Variants in KIF9 observed in about 807,000 individuals in gnomAD.
The protein encoded by KIF9 is kinesin family member 9.
Under a neutral mutation model 94.8 loss-of-function variants are expected in KIF9, and 68 were observed. That is an observed-to-expected ratio of 0.72 (90% CI 0.59 to 0.88). KIF9 has a LOEUF of 0.88. Ranked by LOEUF, KIF9 falls within the 40% of genes least tolerant of loss-of-function variation. The pLI is 0.00. For missense variants in KIF9, 882 were observed against 982.5 expected (o/e 0.90, Z 1.37); for synonymous variants, 343 against 362.1 (o/e 0.95, Z 0.60).
chr3:47,243,448 CT>C, intron 15 of KIF9: 1 of 442,966 alleles, frequency 2.3e-6, no homozygotes, highest in South Asian at 6.2e-5. Flanking sequence ...ATTTTTCTCC[CT>C]TTTATCAGAA....
chr3:47,265,491 T>TA (rs1288081402), intron 8 of KIF9, among the ~76,000 whole-genome samples: 1 of 152,124 alleles, frequency 6.6e-6, no homozygotes, highest in Non-Finnish European at 1.5e-5. Context: ...AAAGAGAAGG[T>TA]ATTCCTAGCA....
In KIF9 at chr3:47,281,708, A is replaced by G. The variant is rs372358453; in HGVS notation, c.-6+787T>C. On this transcript the variant is annotated intron_variant, in intron 1 of 20. Transcript: ENST00000684063. ...TCTCTCCTTGGGGAACCACCCTTTGATATTTCTGGTATAACAAAGCAAGTC... is the reference window on the plus strand; with the variant it reads ...TCTCTCCTTGGGGAACCACCCTTTGGTATTTCTGGTATAACAAAGCAAGTC... 1.6e-4 allele frequency among the ~76,000 whole-genome samples: 25 copies of G among 152,200 alleles called. No individual in the cohort carries two copies. The East Asian group carries it at 3.9e-3, about 24-fold the overall frequency.
chr3:47,237,836 G>A (rs1291918600), intron 17 of KIF9, among the ~76,000 whole-genome samples: 1 of 152,204 alleles, frequency 6.6e-6, no homozygotes, highest in African/African-American at 2.4e-5. Flanking sequence ...TCTGGAGTGG[G>A]GAGTGGGAGT....
chr3:47,231,285 A>G (rs573268272), intron 20 of KIF9, among the ~76,000 whole-genome samples: 1 of 152,078 alleles, frequency 6.6e-6, no homozygotes, highest in Non-Finnish European at 1.5e-5. Flanking sequence ...CCTAATAAAG[A>G]GCAGGTTCTA....
chr3:47,267,291 A>T, intron 5 of KIF9, 28 bp from the exon 6 acceptor site: 5 of 1,519,318 alleles, frequency 3.3e-6, no homozygotes, highest in Non-Finnish European at 4.6e-6. Context: ...CATAGGCAAC[A>T]TTTCGAAAAA....
intron 20 of KIF9, among the ~76,000 whole-genome samples, chr3:47,232,378 G>C (rs983569937): frequency 6.6e-6 from 1 of 151,864 alleles, no homozygotes; most frequent in East Asian, 1.9e-4. Flanking sequence ...TCCACCTCCC[G>C]GGTTCAAGCA....
intron 20 of KIF9, among the ~76,000 whole-genome samples, chr3:47,230,606 C>CTG (rs1698493285): frequency 2.6e-5 from 4 of 152,030 alleles, no homozygotes; most frequent in Admixed American, 2.6e-4. Flanking sequence ...TGGCGCATGC[C>CTG]TATAATCCCA....
chr3:47,270,261 T>C (rs546989015), intron 5 of KIF9, among the ~76,000 whole-genome samples: 1 of 151,562 alleles, frequency 6.6e-6, no homozygotes, highest in African/African-American at 2.4e-5. Context: ...TTCTTTTCTT[T>C]TTTTTTTTTG....
chr3:47,264,165 T>A (rs569144485), intron 9 of KIF9, 121 bp downstream of exon 9: 4 of 770,514 alleles, frequency 5.2e-6, no homozygotes, highest in Non-Finnish European at 9.3e-6. Flanking sequence ...CACCCCTGGA[T>A]CCTTCCACTC....
chr3:47,264,389 G>T (rs747828019), intron 8 of KIF9, 39 bp from the exon 9 acceptor site: 2 of 1,557,168 alleles, frequency 1.3e-6, no homozygotes, highest in Admixed American at 1.7e-5. Flanking sequence ...TGAACCATGT[G>T]TTTTTTCTGC....
chr3:47,247,293 AGCAGAGCAT>A (rs1165896760), intron 12 of KIF9, 71 bp downstream of exon 12: 2 of 916,914 alleles, frequency 2.2e-6, no homozygotes, highest in Non-Finnish European at 3.6e-6. Flanking sequence ...CTCTGAGGCC[AGCAGAGCAT>A]GCGTTGGGGT....
intron 20 of KIF9, among the ~76,000 whole-genome samples, chr3:47,233,690 C>T (rs1208941798): frequency 2.0e-5 from 3 of 151,112 alleles, no homozygotes; most frequent in Admixed American, 6.7e-5. Flanking sequence ...AGCACAACAC[C>T]GTCTCAAAAG....
At chr3:47,240,768 A>T in intron 17 of KIF9, 33 bp downstream of exon 17, 3 of 1,586,448 alleles carry the variant, frequency 1.9e-6, no homozygotes, top group Non-Finnish European at 2.6e-6. Context: ...CTGAGACCCC[A>T]AAGCTCCCTA....
rs767936300 is a variant in KIF9 at position 47,273,665 on chromosome 3, A to T, written c.260-7T>A. ...CCATAACACATGATGGTGCCTGCAA[A>T]CATTTCAAAACACGGTGACATCCAG... On this transcript the variant is annotated splice_region_variant and splice_polypyrimidine_tract_variant and intron_variant, in intron 3 of 20. Coordinates refer to ENST00000684063, the MANE Select transcript of KIF9 (RefSeq NM_182902.4). The T allele has an allele frequency of 1.2e-6, 2 of 1,609,430 alleles. No homozygotes were observed. The highest frequency in any genetic ancestry group is 3.3e-5 in the Admixed American group (2 of 59,800).
intron 9 of KIF9, 55 bp downstream of exon 9, chr3:47,264,231 C>A: frequency 7.3e-7 from 1 of 1,376,084 alleles, no homozygotes; most frequent in Non-Finnish European, 1.0e-6. Flanking sequence ...CTTACCCTGC[C>A]CTGGCACCCA....
At chr3:47,241,897 T>TTGGAGACAGCATGCTCTG (rs1699588201) in intron 16 of KIF9, among the ~76,000 whole-genome samples, 1 of 118,546 alleles carries the variant, frequency 8.4e-6, no homozygotes, top group East Asian at 2.3e-4. Flanking sequence ...TTTTTTTTTT[T>TTGGAGACAGCATGCTCTG]TTCTTTGGAG....
intron 5 of KIF9, among the ~76,000 whole-genome samples, chr3:47,268,431 G>C (rs1372194840): frequency 6.6e-6 from 1 of 152,174 alleles, no homozygotes; most frequent in African/African-American, 2.4e-5. Context: ...CCGCTGAAGA[G>C]GGAAGGCCTG....
intron 18 of KIF9, 93 bp from the exon 19 acceptor site, chr3:47,236,242 C>T: frequency 9.2e-7 from 1 of 1,083,120 alleles, no homozygotes; most frequent in East Asian, 2.4e-5. Context: ...ACCATCTGTT[C>T]ACTTCCTGCT....
chr3:47,265,576 T>C (rs1200235640), intron 8 of KIF9, among the ~76,000 whole-genome samples, 154 bp downstream of exon 8: 1 of 152,212 alleles, frequency 6.6e-6, no homozygotes, highest in Non-Finnish European at 1.5e-5. Flanking sequence ...TGATTCTGCC[T>C]TTCCAGGTGT....
Sources: gnomAD v4.1 joint callset for allele counts (sites outside exome capture counted in the v4.1 genomes callset) on GRCh38, gnomAD v4.1.1 for gene constraint, MANE v1.5 for transcripts, NCBI Gene and HGNC (gene_info 2026-07-23, HGNC 2026-07-21) for gene names.